ATP6V1G2: variants seen among roughly 807,000 people sequenced by gnomAD.
The protein encoded by ATP6V1G2 is ATPase H+ transporting V1 subunit G2.
In ATP6V1G2, 14 loss-of-function variants were observed where a neutral mutation model predicts 17.8. The observed-to-expected ratio is 0.79, with a 90% confidence interval of 0.52 to 1.23. The LOEUF (loss-of-function observed/expected upper bound fraction) is 1.23. Ranked by LOEUF, ATP6V1G2 falls within the 50% of genes most tolerant of loss-of-function variation. The pLI, the probability that ATP6V1G2 is intolerant of heterozygous loss-of-function variation, is 0.00. For missense variants in ATP6V1G2, 112 were observed against 152.2 expected (o/e 0.74, Z 1.39); for synonymous variants, 57 against 54.8 (o/e 1.04, Z -0.17).
chr6:31,545,957 A>C lies in ATP6V1G2; in HGVS notation c.183+152T>G, dbSNP rs1290477375. 3 of 741,114 alleles carry C rather than the reference A, an allele frequency of 4.0e-6. No homozygotes were observed. In the African/African-American group the frequency reaches 5.2e-5, roughly 13 times the overall value. 45.9% of individuals were successfully genotyped at this position (741,114 alleles called of 1,614,324 possible). A position where few individuals can be genotyped will look rare whatever the true frequency, so the allele number is the denominator to read the frequency against. On this transcript the variant is annotated intron_variant, in intron 2 of 2. Coordinates refer to ENST00000303892, the MANE Select transcript of ATP6V1G2 (RefSeq NM_130463.4). The surrounding 1 kb of genome is among the most constrained non-coding windows in gnomAD (Gnocchi z 4.9). ...CTCCCAGACTCTCCTACATATCATC[A>C]CAAAGTTTCACCAATGTTGTGGTCC...
chr6:31,545,578 T>A lies in ATP6V1G2; in HGVS notation c.187A>T (p.Met63Leu), dbSNP rs1366647449. Residue 63 changes from methionine (M) to leucine (L), a missense_variant, in exon 3 of 3, where the codon ATG (methionine) becomes TTG (leucine). Physicochemically the swap from Met to Leu is conservative, Grantham distance 15 (BLOSUM62 2). Transcript: ENST00000303892. This position sits in a 1 kb window ranked among gnomAD's most constrained non-coding sequence, Gnocchi z 4.9. ...GCAGACAGGTTCCCCTGGGAGCCCATGGCCTGGGGGGTAGGGAGAGGGGTG... is the reference window on the plus strand; with the variant it reads ...GCAGACAGGTTCCCCTGGGAGCCCAAGGCCTGGGGGGTAGGGAGAGGGGTG... ...HEFQSKQQAA[M>L]GSQGNLSAEV... The A allele has an allele frequency of 8.7e-6, 14 of 1,613,532 alleles. No homozygotes were observed. Among genetic ancestry groups the A allele is most frequent in the Non-Finnish European group, 1.2e-5 (14 of 1,179,864 alleles).
In ATP6V1G2 at chr6:31,545,213, T is replaced by G; in HGVS notation, c.*195A>C. 1.5e-6 allele frequency: 1 copy of G among 685,444 alleles called. No homozygotes were observed. Among genetic ancestry groups the G allele is most frequent in the Non-Finnish European group, 2.4e-6 (1 of 416,004 alleles). 42.5% of individuals were successfully genotyped at this position (685,444 alleles called of 1,614,324 possible). A position where few individuals can be genotyped will look rare whatever the true frequency, so the allele number is the denominator to read the frequency against. On this transcript the variant is annotated 3_prime_UTR_variant, in exon 3 of 3. Transcript: ENST00000303892. This position sits in a 1 kb window ranked among gnomAD's most constrained non-coding sequence, Gnocchi z 4.9. ...GACTTGGAAGTTTACAAAGTCCCAG[T>G]GAGGGTTAAAGAACAACAAGGAGAT...
rs1404471153 is a variant in ATP6V1G2, at chr6:31,546,142, C to T, written c.150G>A (p.Glu50=). The T allele has an allele frequency of 1.7e-5, 28 of 1,614,094 alleles. No individual in the cohort carries two copies. Among genetic ancestry groups the T allele is most frequent in the Non-Finnish European group, 2.3e-5 (27 of 1,180,034 alleles). Residue 50 remains glutamate, a synonymous_variant, in exon 2 of 3, where the codon GAG becomes GAA. Transcript: ENST00000303892. This position sits in a 1 kb window ranked among gnomAD's most constrained non-coding sequence, Gnocchi z 4.1. ...GCTTGCTCTGGAATTCGTGCTCTCG[C>T]TCTCTGCGGTATTGCTCCACCTCCA... ...AQMEVEQYRR[E]REHEFQSKQQ...
At position 31,545,657 on chromosome 6, in the gene ATP6V1G2, A is replaced by C. The variant is rs574814274; in HGVS notation, c.184-76T>G. On this transcript the variant is annotated intron_variant, in intron 2 of 2. Coordinates refer to ENST00000303892, the MANE Select transcript of ATP6V1G2 (RefSeq NM_130463.4). The surrounding 1 kb of genome is among the most constrained non-coding windows in gnomAD (Gnocchi z 4.9). ...ACAAGGGTCCAGGCATATGAGGGGAAAGATCCTGAAACAAAGCCTAGAAGA... is the reference window on the plus strand; with the variant it reads ...ACAAGGGTCCAGGCATATGAGGGGACAGATCCTGAAACAAAGCCTAGAAGA... The C allele has an allele frequency of 2.0e-6, 3 of 1,471,464 alleles. No homozygotes were observed. The highest frequency in any genetic ancestry group is 1.3e-5 in the South Asian group (1 of 77,152). The allele number at this position is 1,471,464 out of a possible 1,614,324, so 91.2% of individuals were successfully genotyped here.
chr6:31,546,423 T>C lies in ATP6V1G2; in HGVS notation c.82+55A>G. The C allele has an allele frequency of 6.4e-7, 1 of 1,557,768 alleles. No homozygotes were observed. ...TTGGGTTTTCCCAAAATGTTTGCTG[T>C]CCCCCACCCCCAATTTTCTTTCCAA... is the stretch of plus-strand genomic sequence containing the variant. On this transcript the variant is annotated intron_variant, in intron 1 of 2. Coordinates refer to ENST00000303892, the MANE Select transcript of ATP6V1G2 (RefSeq NM_130463.4). This position sits in a 1 kb window ranked among gnomAD's most constrained non-coding sequence, Gnocchi z 4.1.
Position 31,545,736 on chromosome 6 carries a change from G to T in ATP6V1G2, c.184-155C>A. 1 of 793,640 alleles carries T rather than the reference G, an allele frequency of 1.3e-6. No homozygotes were observed. Among genetic ancestry groups the T allele is most frequent in the Non-Finnish European group, 2.0e-6 (1 of 511,644 alleles). 49.2% of individuals were successfully genotyped at this position (793,640 alleles called of 1,614,324 possible). A position where few individuals can be genotyped will look rare whatever the true frequency, so the allele number is the denominator to read the frequency against. The stretch of plus-strand genomic sequence containing the variant: ...CACAGAAATATCCCAACACCAAAGA[G>T]ATCAACACAGTCCCCTTTCCCCTTA... On this transcript the variant is annotated intron_variant, in intron 2 of 2. Coordinates refer to ENST00000303892, the MANE Select transcript of ATP6V1G2 (RefSeq NM_130463.4). The surrounding 1 kb of genome is among the most constrained non-coding windows in gnomAD (Gnocchi z 4.9).
upstream of ATP6V1G2, chr6:31,546,644 A>T: frequency 7.8e-7 from 1 of 1,286,372 alleles, no homozygotes; most frequent in Non-Finnish European, 1.1e-6. The surrounding 1 kb of genome is among the most constrained non-coding windows in gnomAD (Gnocchi z 4.1). Flanking sequence ...CTCCTCCTCC[A>T]GCTCGTTGCT....
In ATP6V1G2 at chr6:31,546,186, C is replaced by T. The variant is rs372009509; in HGVS notation, c.106G>A (p.Ala36Thr). ...RKRKARRLKQAKEEAQMEVEQ... is the reference protein window; with the variant it reads ...RKRKARRLKQTKEEAQMEVEQ... ...ACCTCCATCTGTGCCTCCTCCTTTG[C>T]CTGCTTCAGTCGCCGGGCCTTCCCT... The change falls in exon 2 of 3, where the codon GCA becomes ACA. Residue 36 changes from alanine (A) to threonine (T), a missense_variant. Physicochemically the swap from Ala to Thr is moderately conservative, Grantham distance 58. Coordinates refer to ENST00000303892, the MANE Select transcript of ATP6V1G2 (RefSeq NM_130463.4). The surrounding 1 kb of genome is among the most constrained non-coding windows in gnomAD (Gnocchi z 4.1). 5 of 1,614,144 alleles carry T rather than the reference C, an allele frequency of 3.1e-6. No homozygotes were observed. Among genetic ancestry groups the T allele is most frequent in the African/African-American group, 1.3e-5 (1 of 75,032 alleles).
In ATP6V1G2 at chr6:31,545,884, T is replaced by C; in HGVS notation, c.183+225A>G. 1 of 618,270 alleles carries C rather than the reference T, an allele frequency of 1.6e-6. No homozygotes were observed. The highest frequency in any genetic ancestry group is 2.9e-6 in the Non-Finnish European group (1 of 349,196). The allele number at this position is 618,270 out of a possible 1,614,324, so 38.3% of individuals were successfully genotyped here. On this transcript the variant is annotated intron_variant, in intron 2 of 2. Coordinates refer to ENST00000303892, the MANE Select transcript of ATP6V1G2 (RefSeq NM_130463.4). This position sits in a 1 kb window ranked among gnomAD's most constrained non-coding sequence, Gnocchi z 4.9. ...CATACTCCACATAGATGTTATACTT[T>C]ACACAGACTGTGGCATTCCGCCCAC...
rs1768987549 is a variant in ATP6V1G2 at position 31,546,333 on chromosome 6, A to G, written c.83-124T>C. The stretch of plus-strand genomic sequence containing the variant: ...TCAGCCAACCAGGTGCCAGATTCTA[A>G]TATCCATCCATTTCTTCCCTCCTAA... On this transcript the variant is annotated intron_variant, in intron 1 of 2. Coordinates refer to ENST00000303892, the MANE Select transcript of ATP6V1G2 (RefSeq NM_130463.4). The surrounding 1 kb of genome is among the most constrained non-coding windows in gnomAD (Gnocchi z 4.1). 2.4e-6 allele frequency: 3 copies of G among 1,252,458 alleles called. No individual in the cohort carries two copies. The allele number at this position is 1,252,458 out of a possible 1,614,324, so 77.6% of individuals were successfully genotyped here.
chr6:31,545,373 G>A lies in ATP6V1G2; in HGVS notation c.*35C>T, dbSNP rs1768880916. The A allele has an allele frequency of 6.3e-7, 1 of 1,598,286 alleles. No individual in the cohort carries two copies. Reference sequence around the variant, plus strand: ...TGATTGGAGGATTTCTTTGAGGGAGGGAACTGGCAGAAGGAGTCAGGCCCT... The same window carrying A: ...TGATTGGAGGATTTCTTTGAGGGAGAGAACTGGCAGAAGGAGTCAGGCCCT... On this transcript the variant is annotated 3_prime_UTR_variant, in exon 3 of 3. Transcript: ENST00000303892. This position sits in a 1 kb window ranked among gnomAD's most constrained non-coding sequence, Gnocchi z 4.9.
chr6:31,545,973 G>T lies in ATP6V1G2; in HGVS notation c.183+136C>A. The T allele has an allele frequency of 1.2e-6, 1 of 824,804 alleles. No individual in the cohort carries two copies. The highest frequency in any genetic ancestry group is 2.0e-6 in the Non-Finnish European group (1 of 490,834). 51.1% of individuals were successfully genotyped at this position (824,804 alleles called of 1,614,324 possible). A position where few individuals can be genotyped will look rare whatever the true frequency, so the allele number is the denominator to read the frequency against. ...CATATCATCACAAAGTTTCACCAATGTTGTGGTCCCTGCCAGGGTCCCCTC... is the reference window on the plus strand; with the variant it reads ...CATATCATCACAAAGTTTCACCAATTTTGTGGTCCCTGCCAGGGTCCCCTC... On this transcript the variant is annotated intron_variant, in intron 2 of 2. Transcript: ENST00000303892. This position sits in a 1 kb window ranked among gnomAD's most constrained non-coding sequence, Gnocchi z 4.9.
chr6:31,545,446 T>G lies in ATP6V1G2; in HGVS notation c.319A>C (p.Arg107=). 1 of 1,613,930 alleles carries G rather than the reference T, an allele frequency of 6.2e-7. No homozygotes were observed. The highest frequency in any genetic ancestry group is 8.5e-7 in the Non-Finnish European group (1 of 1,179,960). ...CGGTAGTTGGGGTGGACCTGGGGCC[T>G]GACGTCGCAGACCATGCCAAGAAGC... ...AQLLGMVCDV[R]PQVHPNYRIS... The change falls in exon 3 of 3, where the codon AGG becomes CGG. Residue 107 remains arginine (R), a synonymous_variant. Coordinates refer to ENST00000303892, the MANE Select transcript of ATP6V1G2 (RefSeq NM_130463.4). This position sits in a 1 kb window ranked among gnomAD's most constrained non-coding sequence, Gnocchi z 4.9.
rs1240785043 is a variant in ATP6V1G2 at position 31,545,617 on chromosome 6, G to A, written c.184-36C>T. The stretch of plus-strand genomic sequence containing the variant: ...GGGAGAGGGGTGGAAGAGAGAAAGG[G>A]AAAAGCAGAAACAGACAAGGGTCCA... On this transcript the variant is annotated intron_variant, in intron 2 of 2. Coordinates refer to ENST00000303892, the MANE Select transcript of ATP6V1G2 (RefSeq NM_130463.4). The surrounding 1 kb of genome is among the most constrained non-coding windows in gnomAD (Gnocchi z 4.9). 4.4e-6 allele frequency: 7 copies of A among 1,601,674 alleles called. No homozygotes were observed. Among genetic ancestry groups the A allele is most frequent in the Middle Eastern group, 1.9e-4 (1 of 5,334 alleles).
chr6:31,545,034 G>A lies in ATP6V1G2; in HGVS notation c.*374C>T. ...TCCCAGTTTCACAGAGGAGGACATC[G>A]AGGCTACCAAGTTAAGTAGCTTGTC... On this transcript the variant is annotated 3_prime_UTR_variant, in exon 3 of 3. Transcript: ENST00000303892. The surrounding 1 kb of genome is among the most constrained non-coding windows in gnomAD (Gnocchi z 4.9). 2.5e-6 allele frequency: 1 copy of A among 393,658 alleles called. No individual in the cohort carries two copies. The allele number at this position is 393,658 out of a possible 1,614,324, so 24.4% of individuals were successfully genotyped here.
At position 31,545,938 on chromosome 6, in the gene ATP6V1G2, G is replaced by A; in HGVS notation, c.183+171C>T. On this transcript the variant is annotated intron_variant, in intron 2 of 2. Transcript: ENST00000303892. The surrounding 1 kb of genome is among the most constrained non-coding windows in gnomAD (Gnocchi z 4.9). ...CTCTATGTGGCCTTCAAAACTCCCA[G>A]ACTCTCCTACATATCATCACAAAGT... The A allele has an allele frequency of 1.5e-6, 1 of 675,042 alleles. No individual in the cohort carries two copies. The highest frequency in any genetic ancestry group is 1.8e-5 in the South Asian group (1 of 56,860). The allele number at this position is 675,042 out of a possible 1,614,324, so 41.8% of individuals were successfully genotyped here.
chr6:31,545,629 C>T lies in ATP6V1G2; in HGVS notation c.184-48G>A. ...GAAGAGAGAAAGGGAAAAGCAGAAA[C>T]AGACAAGGGTCCAGGCATATGAGGG... On this transcript the variant is annotated intron_variant, in intron 2 of 2. Coordinates refer to ENST00000303892, the MANE Select transcript of ATP6V1G2 (RefSeq NM_130463.4). The surrounding 1 kb of genome is among the most constrained non-coding windows in gnomAD (Gnocchi z 4.9). 6.3e-7 allele frequency: 1 copy of T among 1,588,578 alleles called. No individual in the cohort carries two copies.
At position 31,545,689 on chromosome 6, in the gene ATP6V1G2, C is replaced by T; in HGVS notation, c.184-108G>A. The T allele has an allele frequency of 8.2e-7, 1 of 1,223,514 alleles. No individual in the cohort carries two copies. The allele number at this position is 1,223,514 out of a possible 1,614,324, so 75.8% of individuals were successfully genotyped here. A position where few individuals can be genotyped will look rare whatever the true frequency, so the allele number is the denominator to read the frequency against. On this transcript the variant is annotated intron_variant, in intron 2 of 2. Coordinates refer to ENST00000303892, the MANE Select transcript of ATP6V1G2 (RefSeq NM_130463.4). The surrounding 1 kb of genome is among the most constrained non-coding windows in gnomAD (Gnocchi z 4.9). ...TGAAACAAAGCCTAGAAGAAAGGCC[C>T]TCTCAGAAACCACCCCCATCCCACA...
chr6:31,545,726 A>G lies in ATP6V1G2; in HGVS notation c.184-145T>C, dbSNP rs1450155486. 25 of 868,636 alleles carry G rather than the reference A, an allele frequency of 2.9e-5. No homozygotes were observed. In the South Asian group the frequency reaches 3.6e-4, roughly 13 times the overall value. The allele number at this position is 868,636 out of a possible 1,614,324, so 53.8% of individuals were successfully genotyped here. On this transcript the variant is annotated intron_variant, in intron 2 of 2. Coordinates refer to ENST00000303892, the MANE Select transcript of ATP6V1G2 (RefSeq NM_130463.4). The surrounding 1 kb of genome is among the most constrained non-coding windows in gnomAD (Gnocchi z 4.9). Reference sequence around the variant, plus strand: ...ACCCCCATCCCACAGAAATATCCCAACACCAAAGAGATCAACACAGTCCCC... The same window carrying G: ...ACCCCCATCCCACAGAAATATCCCAGCACCAAAGAGATCAACACAGTCCCC...
Sources: allele counts gnomAD v4.1 joint callset, GRCh38; gene constraint gnomAD v4.1.1; non-coding constraint Gnocchi (gnomAD v3.1); transcripts MANE v1.5; gene names NCBI Gene and HGNC (gene_info 2026-07-23, HGNC 2026-07-21).